The following RASGRF2 variants were observed in gnomAD, a reference collection of about 807,000 sequenced individuals.
The protein encoded by RASGRF2 is ras-specific guanine nucleotide-releasing factor 2.
Under a neutral mutation model 151.0 loss-of-function variants are expected in RASGRF2, and 76 were observed. That is an observed-to-expected ratio of 0.50 (90% CI 0.42 to 0.61). The LOEUF is 0.61. RASGRF2 is among the 20% of genes least tolerant of loss of function. The pLI is 0.00. For missense variants in RASGRF2, 1,148 were observed against 1,564.6 expected, an observed-to-expected ratio of 0.73 and a Z score of 4.49; for synonymous variants, 504 against 566.5, an observed-to-expected ratio of 0.89 and a Z score of 1.57.
chr5:81,109,347 C>T (rs1265716936), intron 13 of RASGRF2, among the ~76,000 whole-genome samples: 1 of 152,126 alleles, frequency 6.6e-6, no homozygotes, highest in Non-Finnish European at 1.5e-5. Context: ...CTAAGATGTT[C>T]AAGTTCCATA....
At chr5:81,039,528 T>A (rs1750615484) in intron 1 of RASGRF2, among the ~76,000 whole-genome samples, 1 of 151,954 alleles carries the variant, frequency 6.6e-6, no homozygotes, top group Non-Finnish European at 1.5e-5. Context: ...ACAGAACAAA[T>A]GGAAAAAAAT....
rs145582835 is a variant in RASGRF2 at position 81,132,229 on chromosome 5, G to A, written c.2686+5066G>A. ...TATCTAGAATAGTATTGTATATGTA[G>A]TAAATGATCCATAAATGCTTACCGA... On this transcript the variant is annotated intron_variant, in intron 17 of 26. Coordinates refer to ENST00000265080, the MANE Select transcript of RASGRF2 (RefSeq NM_006909.3). Among the ~76,000 whole-genome samples, 71 of 152,178 alleles carry A rather than the reference G, an allele frequency of 4.7e-4. 2 individuals are homozygous for A. The East Asian group carries it at 0.012, about 26-fold the overall frequency.
chr5:81,027,223 A>G (rs1750067244), intron 1 of RASGRF2, among the ~76,000 whole-genome samples: 1 of 152,308 alleles, frequency 6.6e-6, no homozygotes, highest in East Asian at 1.9e-4. Context: ...ATAGAACCCT[A>G]ATAAACTATG....
intron 1 of RASGRF2, 113 bp from the exon 2 acceptor site, chr5:81,042,764 A>G: frequency 2.8e-6 from 2 of 714,960 alleles, no homozygotes; most frequent in Non-Finnish European, 4.7e-6. Context: ...TAAAATTTGC[A>G]TAAGCACTGA....
chr5:80,965,746 G>C (rs748568930), intron 1 of RASGRF2, among the ~76,000 whole-genome samples: 3 of 152,124 alleles, frequency 2.0e-5, no homozygotes, highest in Non-Finnish European at 4.4e-5. Context: ...AAGACCTAAA[G>C]CATGTGTGAT....
At chr5:81,049,081 T>C (rs1219197830) in intron 2 of RASGRF2, among the ~76,000 whole-genome samples, 2 of 151,748 alleles carry the variant, frequency 1.3e-5, no homozygotes, top group East Asian at 3.9e-4. Context: ...AGCTTTTCTT[T>C]CCTTATATAA....
chr5:81,096,726 T>C (rs1218281096), intron 12 of RASGRF2, among the ~76,000 whole-genome samples: 1 of 152,140 alleles, frequency 6.6e-6, no homozygotes, highest in Non-Finnish European at 1.5e-5. Context: ...CTGTGCCTGG[T>C]CCTTTAAAGA....
chr5:81,199,479 A>G (rs1239368590), intron 18 of RASGRF2, among the ~76,000 whole-genome samples: 1 of 152,194 alleles, frequency 6.6e-6, no homozygotes, highest in Non-Finnish European at 1.5e-5. Flanking sequence ...GTAATTAATA[A>G]GTAATCTCTG....
At chr5:81,062,968 G>C (rs1048938130) in intron 2 of RASGRF2, among the ~76,000 whole-genome samples, 2 of 151,540 alleles carry the variant, frequency 1.3e-5, no homozygotes, top group East Asian at 1.9e-4. Flanking sequence ...TGTTATGCAG[G>C]CTCAAAATAT....
chr5:81,053,014 C>G (rs956346500), intron 2 of RASGRF2, among the ~76,000 whole-genome samples: 1 of 151,940 alleles, frequency 6.6e-6, no homozygotes, highest in South Asian at 2.1e-4. Context: ...AAATTAGATT[C>G]TTAAGTGACT....
At position 81,003,391 on chromosome 5, in the gene RASGRF2, T is replaced by G. The variant is rs547281245; in HGVS notation, c.289-39486T>G. 7.2e-5 allele frequency among the ~76,000 whole-genome samples: 11 copies of G among 152,054 alleles called. No homozygotes were observed. The South Asian group carries it at 1.9e-3, about 26-fold the overall frequency. Reference sequence around the variant, plus strand: ...GTGCCCACCACCACGCCCACCTAATTTTTTTGTATTTTTAGTAGAGACAGG... The same window carrying G: ...GTGCCCACCACCACGCCCACCTAATGTTTTTGTATTTTTAGTAGAGACAGG... On this transcript the variant is annotated intron_variant, in intron 1 of 26. Transcript: ENST00000265080.
intron 1 of RASGRF2, among the ~76,000 whole-genome samples, chr5:80,968,786 C>T (rs932361865): frequency 1.4e-4 from 22 of 151,784 alleles, no homozygotes; most frequent in African/African-American, 4.1e-4. Context: ...TGAGCTCTAG[C>T]GATCCTCCTT....
At chr5:81,032,683 C>A (rs1221851872) in intron 1 of RASGRF2, among the ~76,000 whole-genome samples, 3 of 152,108 alleles carry the variant, frequency 2.0e-5, no homozygotes, top group East Asian at 1.9e-4. Context: ...AACCCACAGC[C>A]AATATCACAC....
At chr5:81,025,684 T>C (rs1749994416) in intron 1 of RASGRF2, among the ~76,000 whole-genome samples, 1 of 152,224 alleles carries the variant, frequency 6.6e-6, no homozygotes, top group Non-Finnish European at 1.5e-5. Context: ...CAGCTGAAAC[T>C]GAAACACAAA....
At chr5:80,967,959 T>G (rs559262353) in intron 1 of RASGRF2, among the ~76,000 whole-genome samples, 3 of 152,254 alleles carry the variant, frequency 2.0e-5, no homozygotes, top group Non-Finnish European at 2.9e-5. Context: ...GGATTTAAAC[T>G]GCATAGGATT....
chr5:81,004,792 G>A (rs1405513552), intron 1 of RASGRF2, among the ~76,000 whole-genome samples: 1 of 152,174 alleles, frequency 6.6e-6, no homozygotes, highest in Non-Finnish European at 1.5e-5. Context: ...ATGCAGTGCA[G>A]CAAATATGGA....
chr5:81,047,677 C>T (rs961745215), intron 2 of RASGRF2, among the ~76,000 whole-genome samples: 2 of 152,238 alleles, frequency 1.3e-5, no homozygotes, highest in African/African-American at 2.4e-5. Context: ...AGGGCCTGAC[C>T]TAACCCTTTG....
rs147804867 is a variant in RASGRF2, at chr5:81,103,342, C to A, written c.1756-5654C>A. On this transcript the variant is annotated intron_variant, in intron 12 of 26. Transcript: ENST00000265080. The stretch of plus-strand genomic sequence containing the variant: ...TAGCTATAGATAGATATAGATATAG[C>A]TATAGCATATATTCTACATACCTAT... Among the ~76,000 whole-genome samples the A allele has an allele frequency of 7.2e-4, 110 of 151,826 alleles. 2 individuals are homozygous for A. In the East Asian group the frequency reaches 0.018, roughly 25 times the overall value.
intron 18 of RASGRF2, among the ~76,000 whole-genome samples, chr5:81,200,473 G>A (rs886620040): frequency 1.1e-4 from 16 of 151,990 alleles, no homozygotes; most frequent in Non-Finnish European, 1.9e-4. Context: ...TCACTTCTAT[G>A]TTCATTCGAT....
Sources: allele counts gnomAD v4.1 joint callset (sites outside exome capture counted in the v4.1 genomes callset), GRCh38; gene constraint gnomAD v4.1.1; transcripts MANE v1.5; gene names NCBI Gene and HGNC (gene_info 2026-07-23, HGNC 2026-07-21).